PRKD3: variants seen among roughly 807,000 people sequenced by gnomAD.
The protein encoded by PRKD3 is protein kinase D3.
Under a neutral mutation model 99.2 loss-of-function variants are expected in PRKD3, and 47 were observed. The observed-to-expected ratio is 0.47, with a 90% CI of 0.38 to 0.60. The LOEUF (loss-of-function observed/expected upper bound fraction) is 0.60, where lower values mean the gene tolerates loss of function less well. Among genes scored for constraint, PRKD3 ranks in the 20% least tolerant of loss-of-function variants. PRKD3 has a pLI of 0.00. For synonymous variants in PRKD3, 392 were observed against 355.4 expected, an observed-to-expected ratio of 1.10 and a Z score of -1.16; for missense variants, 1,019 against 1,088.4, an observed-to-expected ratio of 0.94 and a Z score of 0.90.
intron 1 of PRKD3, among the ~76,000 whole-genome samples, chr2:37,321,107 A>G (rs1222606016): frequency 6.6e-6 from 1 of 152,232 alleles, no homozygotes; most frequent in Non-Finnish European, 1.5e-5. Flanking sequence ...TTACGCTTCA[A>G]TTAGAAAACT....
chr2:37,297,908 A>G (rs1670744406), intron 2 of PRKD3, among the ~76,000 whole-genome samples: 1 of 152,150 alleles, frequency 6.6e-6, no homozygotes, highest in Admixed American at 6.5e-5. Flanking sequence ...TTTTCTATAC[A>G]TACTCTTTGG....
At chr2:37,292,490 CCCA>C (rs1294586131) in intron 3 of PRKD3, among the ~76,000 whole-genome samples, 1 of 151,846 alleles carries the variant, frequency 6.6e-6, no homozygotes, top group African/African-American at 2.4e-5. Flanking sequence ...GGACTAGGCG[CCCA>C]CCACCACGCC....
rs74633800 is a variant in PRKD3 at position 37,271,889 on chromosome 2, C to T, written c.1704+491G>A. ...AAAAGTTGCTGACCTGTTATAAAAC[C>T]CTCAACATACCTACATACACCAGCC... is the stretch of plus-strand genomic sequence containing the variant. On this transcript the variant is annotated intron_variant, in intron 12 of 18. Coordinates refer to ENST00000234179, the MANE Select transcript of PRKD3 (RefSeq NM_005813.6). Among the ~76,000 whole-genome samples, 593 of 152,214 alleles carry T rather than the reference C, an allele frequency of 3.9e-3. 3 individuals are homozygous for T. The highest frequency in any genetic ancestry group is 0.014 in the African/African-American group (566 of 41,520).
At chr2:37,287,171 G>A (rs969869659) in intron 5 of PRKD3, among the ~76,000 whole-genome samples, 5 of 139,774 alleles carry the variant, frequency 3.6e-5, no homozygotes, top group East Asian at 2.3e-4. Flanking sequence ...TGGAGGTTCC[G>A]GTAAGCCGAG....
intron 18 of PRKD3, among the ~76,000 whole-genome samples, chr2:37,253,563 T>G (rs1056546301): frequency 3.3e-5 from 5 of 152,160 alleles, no homozygotes; most frequent in African/African-American, 1.2e-4. Flanking sequence ...CTCCAATGAA[T>G]GAACGTAACT....
intron 5 of PRKD3, among the ~76,000 whole-genome samples, chr2:37,287,062 C>A (rs904035367): frequency 1.3e-5 from 2 of 151,436 alleles, no homozygotes; most frequent in Admixed American, 6.6e-5. Flanking sequence ...GAAACCCCGT[C>A]TCTACTAAAA....
intron 16 of PRKD3, among the ~76,000 whole-genome samples, chr2:37,258,338 T>C (rs1025677507): frequency 1.3e-5 from 2 of 152,236 alleles, no homozygotes; most frequent in African/African-American, 4.8e-5. Flanking sequence ...GTACGAATAC[T>C]GAGCCTGAAG....
chr2:37,308,427 G>C (rs1409078872), intron 2 of PRKD3, among the ~76,000 whole-genome samples: 1 of 152,016 alleles, frequency 6.6e-6, no homozygotes, highest in Non-Finnish European at 1.5e-5. Flanking sequence ...TTACCTTGGT[G>C]TCATATTTTT....
chr2:37,301,127 T>C (rs938911534), intron 2 of PRKD3, among the ~76,000 whole-genome samples: 3 of 152,218 alleles, frequency 2.0e-5, no homozygotes, highest in African/African-American at 7.2e-5. Flanking sequence ...AATGGATTGA[T>C]CATCTTTAAA....
intron 3 of PRKD3, among the ~76,000 whole-genome samples, chr2:37,291,328 C>A (rs944493200): frequency 6.6e-6 from 1 of 152,162 alleles, no homozygotes; most frequent in Non-Finnish European, 1.5e-5. Flanking sequence ...GGAAATAGAA[C>A]ACTAAAGTAA....
At chr2:37,253,741 G>T (rs910156236) in intron 18 of PRKD3, among the ~76,000 whole-genome samples, 3 of 152,116 alleles carry the variant, frequency 2.0e-5, no homozygotes, top group Non-Finnish European at 2.9e-5. Flanking sequence ...GATTACATTT[G>T]TTTTAAAGCT....
Position 37,282,542 on chromosome 2 carries a change from C to G in PRKD3, c.988G>C (p.Glu330Gln). 6.4e-7 allele frequency: 1 copy of G among 1,560,436 alleles called. No individual in the cohort carries two copies. Residue 330 changes from glutamate to glutamine, a missense_variant and splice_region_variant, in exon 7 of 19, where the codon GAA becomes CAA. Coordinates refer to ENST00000234179, the MANE Select transcript of PRKD3 (RefSeq NM_005813.6). ...DCLGEVTFNG[E>Q]PSSLGTDTDI... ...CAAAAATTAAGAAAAATAATTTTAC[C>G]TCCATTGAAAGTAACCTCTCCAAGG...
intron 8 of PRKD3, chr2:37,278,224 CA>C (rs772896444): frequency 0.028 from 5,672 of 200,716 alleles, 50 homozygotes; most frequent in African/African-American, 0.048. Flanking sequence ...TGGAGGGCCA[CA>C]AAAAAAAAAA....
chr2:37,297,811 C>T (rs1193035762), intron 2 of PRKD3, among the ~76,000 whole-genome samples: 3 of 152,154 alleles, frequency 2.0e-5, no homozygotes, highest in Admixed American at 2.0e-4. Context: ...ACCAAGGGCA[C>T]CTACTGTCAA....
At chr2:37,311,057 G>T (rs891694897) in intron 2 of PRKD3, among the ~76,000 whole-genome samples, 7 of 152,110 alleles carry the variant, frequency 4.6e-5, no homozygotes, top group African/African-American at 1.7e-4. Flanking sequence ...CCAAGCAAAA[G>T]AAAGCAGACT....
chr2:37,258,851 G>T (rs1310862882), intron 16 of PRKD3, among the ~76,000 whole-genome samples: 1 of 152,122 alleles, frequency 6.6e-6, no homozygotes, highest in South Asian at 2.1e-4. Context: ...TTGTCTAAAT[G>T]TACATGTTTC....
rs370260673 is a variant in PRKD3 at position 37,316,525 on chromosome 2, C to T, written c.-1G>A. 3.1e-6 allele frequency: 5 copies of T among 1,610,344 alleles called. No individual in the cohort carries two copies. In the African/African-American group the frequency reaches 5.4e-5, roughly 17 times the overall value. The stretch of plus-strand genomic sequence containing the variant: ...ATGGAGGGGAATTATTTGCAGACAT[C>T]TGCCTTTCTTTAATCTTTTAAAATA... On this transcript the variant is annotated 5_prime_UTR_variant, in exon 2 of 19. Coordinates refer to ENST00000234179, the MANE Select transcript of PRKD3 (RefSeq NM_005813.6).
chr2:37,253,123 G>C lies in PRKD3; in HGVS notation c.*54C>G. 1 of 1,501,796 alleles carries C rather than the reference G, an allele frequency of 6.7e-7. No homozygotes were observed. The highest frequency in any genetic ancestry group is 9.1e-7 in the Non-Finnish European group (1 of 1,101,324). The allele number at this position is 1,501,796 out of a possible 1,614,324, so 93.0% of individuals were successfully genotyped here. A position where few individuals can be genotyped will look rare whatever the true frequency, so the allele number is the denominator to read the frequency against. ...CAATCTACAAAGAACAAGTTACACA[G>C]CAAAATATCAGTCCATAAAATGAAA... On this transcript the variant is annotated 3_prime_UTR_variant, in exon 19 of 19. Coordinates refer to ENST00000234179, the MANE Select transcript of PRKD3 (RefSeq NM_005813.6).
At chr2:37,308,937 T>C (rs1671293783) in intron 2 of PRKD3, among the ~76,000 whole-genome samples, 1 of 152,156 alleles carries the variant, frequency 6.6e-6, no homozygotes, top group Admixed American at 6.5e-5. Flanking sequence ...TCAGTTATTG[T>C]AGGTTTTTCT....
Sources: gnomAD v4.1 joint callset for allele counts (sites outside exome capture counted in the v4.1 genomes callset) on GRCh38, gnomAD v4.1.1 for gene constraint, MANE v1.5 for transcripts, NCBI Gene and HGNC (gene_info 2026-07-23, HGNC 2026-07-21) for gene names.